The following PITPNC1 variants were observed in gnomAD, a reference collection of about 807,000 sequenced individuals.
PITPNC1 encodes the protein phosphatidylinositol transfer protein cytoplasmic 1, also known as cytoplasmic phosphatidylinositol transfer protein 1.
Under a neutral mutation model 44.7 loss-of-function variants are expected in PITPNC1, and 18 were observed. The ratio of observed to expected loss-of-function variants is 0.40; its 90% CI spans 0.28 to 0.60. PITPNC1 has a LOEUF of 0.60. PITPNC1 is among the 20% of genes least tolerant of loss of function. The pLI is 0.39. For missense variants in PITPNC1, 290 were observed against 418.4 expected, an observed-to-expected ratio of 0.69 and a Z score of 2.68; for synonymous variants, 141 against 149.6, an observed-to-expected ratio of 0.94 and a Z score of 0.42.
intron 2 of PITPNC1, among the ~76,000 whole-genome samples, chr17:67,544,177 G>T (rs966564551): frequency 3.9e-5 from 6 of 152,272 alleles, no homozygotes; most frequent in Non-Finnish European, 8.8e-5. Context: ...ATCCAGTTCA[G>T]TTAACCAAGT....
intron 5 of PITPNC1, among the ~76,000 whole-genome samples, chr17:67,604,794 A>C (rs62086169): frequency 6.6e-6 from 1 of 151,288 alleles, no homozygotes; most frequent in African/African-American, 2.4e-5. Flanking sequence ...AAAAAAAATT[A>C]AAATATGACT....
chr17:67,562,414 C>G (rs1340395663), intron 4 of PITPNC1, among the ~76,000 whole-genome samples: 1 of 152,150 alleles, frequency 6.6e-6, no homozygotes, highest in Non-Finnish European at 1.5e-5. Context: ...CAGGTCCCAC[C>G]ATTCCTCTTG....
chr17:67,471,330 A>C (rs2039527517), intron 1 of PITPNC1, among the ~76,000 whole-genome samples: 1 of 150,816 alleles, frequency 6.6e-6, no homozygotes, highest in Non-Finnish European at 1.5e-5. Context: ...CCCTGAATGG[A>C]TATACCACAG....
In PITPNC1 at chr17:67,610,083, C is replaced by T. The variant is rs575322519; in HGVS notation, c.367-22060C>T. On this transcript the variant is annotated intron_variant, in intron 5 of 8. Coordinates refer to ENST00000581322, the MANE Select transcript of PITPNC1 (RefSeq NM_012417.4). Reference sequence around the variant, plus strand: ...CGGCCACTACTTTCCTCTGTCGTTCCGCTATTCCATGCTCCCTGCCTCAAA... The same window carrying T: ...CGGCCACTACTTTCCTCTGTCGTTCTGCTATTCCATGCTCCCTGCCTCAAA... Among the ~76,000 whole-genome samples, 16 of 152,284 alleles carry T rather than the reference C, an allele frequency of 1.1e-4. 1 individual carries two copies. The South Asian group carries it at 2.3e-3, about 22-fold the overall frequency.
intron 1 of PITPNC1, among the ~76,000 whole-genome samples, chr17:67,476,917 G>C (rs2039638531): frequency 6.6e-6 from 1 of 152,182 alleles, no homozygotes; most frequent in Admixed American, 6.5e-5. Flanking sequence ...CTGCGAGCTT[G>C]TTAGAAATGC....
chr17:67,542,954 A>G (rs760457483), intron 2 of PITPNC1, among the ~76,000 whole-genome samples: 34 of 152,224 alleles, frequency 2.2e-4, no homozygotes, highest in Non-Finnish European at 3.8e-4. Context: ...ACATCCATCT[A>G]TCGACCACTG....
At chr17:67,420,321 A>G (rs1042483682) in intron 1 of PITPNC1, among the ~76,000 whole-genome samples, 1 of 152,272 alleles carries the variant, frequency 6.6e-6, no homozygotes, top group African/African-American at 2.4e-5. Context: ...GGGGGTGTAC[A>G]GAAATTAGCC....
intron 5 of PITPNC1, among the ~76,000 whole-genome samples, chr17:67,603,450 G>T (rs1251511773): frequency 1.3e-5 from 2 of 152,204 alleles, no homozygotes; most frequent in African/African-American, 4.8e-5. Flanking sequence ...ACAGTCTCAT[G>T]AAATCTTCAC....
At chr17:67,466,896 A>G (rs186504536) in intron 1 of PITPNC1, among the ~76,000 whole-genome samples, 40 of 152,238 alleles carry the variant, frequency 2.6e-4, no homozygotes, top group African/African-American at 9.1e-4. Flanking sequence ...CCAGCAAGCA[A>G]TCTAGCTCCT....
intron 2 of PITPNC1, among the ~76,000 whole-genome samples, chr17:67,533,690 A>G (rs558582012): frequency 6.6e-6 from 1 of 152,292 alleles, no homozygotes; most frequent in South Asian, 2.1e-4. Context: ...GAATGACAAA[A>G]CAAACAGTCA....
At chr17:67,675,010 CAAAAA>C (rs11372163) in intron 7 of PITPNC1, among the ~76,000 whole-genome samples, 2 of 114,112 alleles carry the variant, frequency 1.8e-5, no homozygotes, top group Non-Finnish European at 1.8e-5. Context: ...GACTCTGTCT[CAAAAA>C]AAAAAAAAAA....
At chr17:67,488,167 A>G (rs2039809884) in intron 1 of PITPNC1, among the ~76,000 whole-genome samples, 1 of 152,234 alleles carries the variant, frequency 6.6e-6, no homozygotes, top group Non-Finnish European at 1.5e-5. Context: ...CCATCGCAGA[A>G]AAATACAGAT....
At chr17:67,685,401 T>G (rs1487081429) in intron 8 of PITPNC1, among the ~76,000 whole-genome samples, 2 of 152,204 alleles carry the variant, frequency 1.3e-5, no homozygotes, top group Non-Finnish European at 2.9e-5. Context: ...AGCATCTTGG[T>G]CCCAGACCAC....
intron 1 of PITPNC1, among the ~76,000 whole-genome samples, chr17:67,443,807 G>A (rs2039053315): frequency 1.3e-5 from 2 of 151,950 alleles, no homozygotes; most frequent in Admixed American, 6.6e-5. Context: ...GCTAATTTTT[G>A]TATTTCTAGT....
At position 67,407,112 on chromosome 17, in the gene PITPNC1, G is replaced by A. The variant is rs1454518074; in HGVS notation, c.48+28910G>A. 2.6e-5 allele frequency among the ~76,000 whole-genome samples: 4 copies of A among 152,100 alleles called. No homozygotes were observed. In the South Asian group the frequency reaches 8.3e-4, roughly 31 times the overall value. ...AACTGGTTTCCACAGTGCCTGCACC[G>A]TTTTACATTCCCACCTACAGTGTAC... On this transcript the variant is annotated intron_variant, in intron 1 of 8. Transcript: ENST00000581322.
chr17:67,608,256 A>AC (rs2041637495), intron 5 of PITPNC1, among the ~76,000 whole-genome samples: 2 of 146,848 alleles, frequency 1.4e-5, no homozygotes, highest in South Asian at 4.2e-4. Flanking sequence ...ACAAAAAAAA[A>AC]CAAAAAAAAA....
At chr17:67,589,417 A>C in intron 5 of PITPNC1, among the ~76,000 whole-genome samples, 1 of 152,210 alleles carries the variant, frequency 6.6e-6, no homozygotes, top group Non-Finnish European at 1.5e-5. Flanking sequence ...AAATTCAAAA[A>C]GACCTGCCTC....
Position 67,385,976 on chromosome 17 carries a change from C to T in PITPNC1, c.48+7774C>T, listed in dbSNP as rs576514850. Reference sequence around the variant, plus strand: ...GGGAAGCAAACTGTTGTTAACAAAACCCTGGTTAAAAGTAGGTAGTAATTA... The same window carrying T: ...GGGAAGCAAACTGTTGTTAACAAAATCCTGGTTAAAAGTAGGTAGTAATTA... On this transcript the variant is annotated intron_variant, in intron 1 of 8. Transcript: ENST00000581322. Among the ~76,000 whole-genome samples, 133 of 152,222 alleles carry T rather than the reference C, an allele frequency of 8.7e-4. 3 individuals carry two copies. The South Asian group carries it at 0.018, about 21-fold the overall frequency.
chr17:67,381,745 C>G (rs1167815205), intron 1 of PITPNC1, among the ~76,000 whole-genome samples: 1 of 152,226 alleles, frequency 6.6e-6, no homozygotes, highest in East Asian at 1.9e-4. Flanking sequence ...AGCCACCGCG[C>G]CCGGCCTACT....
Sources: gnomAD v4.1 joint callset for allele counts (sites outside exome capture counted in the v4.1 genomes callset) on GRCh38, gnomAD v4.1.1 for gene constraint, MANE v1.5 for transcripts, NCBI Gene and HGNC (gene_info 2026-07-23, HGNC 2026-07-21) for gene names.